Variants in RPS6KC1 observed in about 807,000 individuals in gnomAD.
The protein encoded by RPS6KC1 is ribosomal protein S6 kinase C1.
RPS6KC1 carries 54 observed loss-of-function variants against 103.8 expected under a neutral mutation model. The observed-to-expected ratio is 0.52, with a 90% confidence interval of 0.42 to 0.65. RPS6KC1 has a LOEUF of 0.65. RPS6KC1 is among the 30% of genes least tolerant of loss of function. The pLI is 0.00. For synonymous variants in RPS6KC1, 439 were observed against 438.7 expected (o/e 1.00, Z -0.01); for missense variants, 1,151 against 1,253.8 (o/e 0.92, Z 1.24).
intron 7 of RPS6KC1, among the ~76,000 whole-genome samples, chr1:213,168,550 AT>A (rs112010653): frequency 5.3e-5 from 8 of 151,344 alleles, no homozygotes; most frequent in Non-Finnish European, 7.4e-5. Flanking sequence ...CTTTTCTGTT[AT>A]TTTTTTTCTT....
the RPS6KC1 span, among the ~76,000 whole-genome samples, chr1:213,727,475 C>A: frequency 6.6e-6 from 1 of 152,110 alleles, no homozygotes; most frequent in Non-Finnish European, 1.5e-5. Flanking sequence ...TAAAGCAAAG[C>A]AAGACAATGG....
At chr1:213,359,939 T>A in the RPS6KC1 span, among the ~76,000 whole-genome samples, 1 of 152,136 alleles carries the variant, frequency 6.6e-6, no homozygotes, top group Admixed American at 6.5e-5. Flanking sequence ...GTTAGTCTGA[T>A]GGGCTTCCCT....
the RPS6KC1 span, among the ~76,000 whole-genome samples, chr1:213,405,247 G>A: frequency 3.2e-4 from 48 of 152,220 alleles, no homozygotes; most frequent in South Asian, 4.1e-4. Context: ...ATTGGGATAC[G>A]GAGGATAGAA....
chr1:213,455,256 G>A, the RPS6KC1 span, among the ~76,000 whole-genome samples: 1 of 152,152 alleles, frequency 6.6e-6, no homozygotes, highest in African/African-American at 2.4e-5. Context: ...ATTCCAATGA[G>A]GAATGGCGGT....
At chr1:213,176,357 G>A (rs2091868648) in intron 7 of RPS6KC1, 43 bp from the exon 8 acceptor site, 1 of 1,384,432 alleles carries the variant, frequency 7.2e-7, no homozygotes. Flanking sequence ...CTTCCTTCAA[G>A]TACCTCCCTG....
the RPS6KC1 span, among the ~76,000 whole-genome samples, chr1:213,637,921 A>G: frequency 6.6e-6 from 1 of 151,926 alleles, no homozygotes; most frequent in African/African-American, 2.4e-5. Flanking sequence ...GACTCAAGTG[A>G]TCCTCTCTCT....
At chr1:213,239,786 TTTAA>T in intron 10 of RPS6KC1, among the ~76,000 whole-genome samples, 1 of 152,330 alleles carries the variant, frequency 6.6e-6, no homozygotes, top group South Asian at 2.1e-4. Context: ...CTGGATCAAA[TTTAA>T]TTAATTATTC....
At chr1:213,854,706 C>G in the RPS6KC1 span, among the ~76,000 whole-genome samples, 3 of 152,082 alleles carry the variant, frequency 2.0e-5, no homozygotes, top group Non-Finnish European at 4.4e-5. Flanking sequence ...AAATGTCAGT[C>G]CCTGAAATGC....
chr1:213,485,418 C>G, the RPS6KC1 span, among the ~76,000 whole-genome samples: 5 of 152,118 alleles, frequency 3.3e-5, no homozygotes, highest in African/African-American at 1.2e-4. Flanking sequence ...CTGCCACCCC[C>G]AATCCTTTCT....
chr1:213,075,096 C>T (rs1467176604), intron 2 of RPS6KC1, among the ~76,000 whole-genome samples: 1 of 151,900 alleles, frequency 6.6e-6, no homozygotes, highest in Non-Finnish European at 1.5e-5. Flanking sequence ...CATGATCCGC[C>T]CGCCTTGGCC....
the RPS6KC1 span, among the ~76,000 whole-genome samples, chr1:213,327,236 A>AAAAGAAAGAAGG: frequency 6.9e-6 from 1 of 144,586 alleles, no homozygotes; most frequent in Non-Finnish European, 1.5e-5. Flanking sequence ...GAAAGAAAAG[A>AAAAGAAAGAAGG]AAAGAAAGAA....
chr1:213,281,443 C>G, the RPS6KC1 span, among the ~76,000 whole-genome samples: 1 of 152,238 alleles, frequency 6.6e-6, no homozygotes, highest in South Asian at 2.1e-4. Context: ...GGCCTGAAGC[C>G]TCTATCAGGC....
chr1:213,092,580 G>A (rs2081071183), intron 3 of RPS6KC1, among the ~76,000 whole-genome samples: 1 of 151,996 alleles, frequency 6.6e-6, no homozygotes, highest in African/African-American at 2.4e-5. Flanking sequence ...GCTGAGGCAG[G>A]GGAATTGCTT....
the RPS6KC1 span, among the ~76,000 whole-genome samples, chr1:213,859,426 C>T: frequency 6.6e-6 from 1 of 152,182 alleles, no homozygotes; most frequent in Non-Finnish European, 1.5e-5. Context: ...AATGAAGCTT[C>T]TAGGTCAAGC....
chr1:213,468,867 G>A, the RPS6KC1 span, among the ~76,000 whole-genome samples: 1 of 152,084 alleles, frequency 6.6e-6, no homozygotes, highest in South Asian at 2.1e-4. Flanking sequence ...TTGTTTTCTT[G>A]AATGTACCAG....
At chr1:213,084,574 T>C (rs1173448059) in intron 3 of RPS6KC1, among the ~76,000 whole-genome samples, 3 of 152,250 alleles carry the variant, frequency 2.0e-5, no homozygotes, top group Non-Finnish European at 2.9e-5. Context: ...AAATTTAATA[T>C]TGATACAATA....
chr1:213,378,949 C>G, the RPS6KC1 span, among the ~76,000 whole-genome samples: 9 of 152,250 alleles, frequency 5.9e-5, no homozygotes, highest in East Asian at 1.4e-3. Flanking sequence ...GGTGGCTCAT[C>G]AAGAGAAGGC....
the RPS6KC1 span, among the ~76,000 whole-genome samples, chr1:213,313,209 G>A: frequency 6.6e-6 from 1 of 152,166 alleles, no homozygotes; most frequent in African/African-American, 2.4e-5. Context: ...GCAAGAGCCT[G>A]TGAGAGATCA....
chr1:213,505,972 T>A, the RPS6KC1 span, among the ~76,000 whole-genome samples: 1 of 152,222 alleles, frequency 6.6e-6, no homozygotes, highest in African/African-American at 2.4e-5. Flanking sequence ...CAGGCCATCC[T>A]GTAGCTTATT....
Sources: gnomAD v4.1 joint callset for allele counts (sites outside exome capture counted in the v4.1 genomes callset) on GRCh38, gnomAD v4.1.1 for gene constraint, MANE v1.5 for transcripts, NCBI Gene and HGNC (gene_info 2026-07-23, HGNC 2026-07-21) for gene names.